Variants in ENPP3 observed in about 807,000 individuals in gnomAD.
ENPP3 encodes the protein ectonucleotide pyrophosphatase/phosphodiesterase family member 3.
ENPP3 carries 104 observed loss-of-function variants against 117.8 expected under a neutral mutation model. That is an observed-to-expected ratio of 0.88 (90% CI 0.75 to 1.04). The LOEUF (loss-of-function observed/expected upper bound fraction) is 1.04. ENPP3 is among the 50% of genes least tolerant of loss of function. ENPP3 has a pLI of 0.00. For synonymous variants in ENPP3, 380 were observed against 349.9 expected (o/e 1.09, Z -0.96); for missense variants, 1,026 against 1,051.9 (o/e 0.98, Z 0.34).
intron 6 of ENPP3, among the ~76,000 whole-genome samples, chr6:131,663,097 AGTATCATGTCTT>A (rs1184222369): frequency 1.3e-5 from 2 of 151,120 alleles, no homozygotes; most frequent in African/African-American, 4.9e-5. Flanking sequence ...TTCAGTAGAT[AGTATCATGTCTT>A]CTGAAAATAG....
intron 11 of ENPP3, among the ~76,000 whole-genome samples, chr6:131,679,320 C>T (rs1375207926): frequency 6.6e-6 from 1 of 151,870 alleles, no homozygotes; most frequent in African/African-American, 2.4e-5. Flanking sequence ...GTCTTGAACT[C>T]CTGACCTCAG....
rs572855698 is a variant in ENPP3 at position 131,685,301 on chromosome 6, C to G, written c.1121-63C>G. On this transcript the variant is annotated intron_variant, in intron 12 of 24. Coordinates refer to ENST00000357639, the MANE Select transcript of ENPP3 (RefSeq NM_005021.5). ...ATAAAATGTCTTCTATTTGACAAGA[C>G]AGAAATCAACCGTTGCCATTTATAT... is the stretch of plus-strand genomic sequence containing the variant. 1.4e-5 allele frequency: 19 copies of G among 1,388,732 alleles called. No individual in the cohort carries two copies. In the East Asian group the frequency reaches 3.2e-4, roughly 24 times the overall value. The allele number at this position is 1,388,732 out of a possible 1,614,324, so 86.0% of individuals were successfully genotyped here.
intron 17 of ENPP3, 61 bp from the exon 18 acceptor site, chr6:131,722,166 C>A: frequency 1.6e-6 from 2 of 1,222,126 alleles, no homozygotes; most frequent in Non-Finnish European, 2.4e-6. Flanking sequence ...TCCCATCTCC[C>A]ACAGAGGAGT....
intron 15 of ENPP3, chr6:131,701,397 C>T (rs1779527372): frequency 1.2e-6 from 2 of 1,613,800 alleles, no homozygotes; most frequent in African/African-American, 1.3e-5. Context: ...TATATTGTCT[C>T]CCATATCCCT....
At chr6:131,738,632 T>C (rs1780455339) in intron 23 of ENPP3, among the ~76,000 whole-genome samples, 1 of 150,364 alleles carries the variant, frequency 6.7e-6, no homozygotes, top group African/African-American at 2.4e-5. Context: ...ACAATGTAGG[T>C]AAATTTCATG....
intron 15 of ENPP3, among the ~76,000 whole-genome samples, chr6:131,694,060 C>T (rs1253623393): frequency 6.6e-6 from 1 of 152,160 alleles, no homozygotes; most frequent in Non-Finnish European, 1.5e-5. Context: ...TTAGTTGTAA[C>T]ATTTATTTCT....
intron 23 of ENPP3, among the ~76,000 whole-genome samples, chr6:131,738,729 A>G (rs1466075561): frequency 6.6e-6 from 1 of 152,178 alleles, no homozygotes; most frequent in Admixed American, 6.5e-5. Flanking sequence ...AATGCAGAGC[A>G]CAGTAATAGA....
At chr6:131,707,085 T>C (rs1334717757) in intron 15 of ENPP3, among the ~76,000 whole-genome samples, 44 of 150,094 alleles carry the variant, frequency 2.9e-4, no homozygotes, top group Non-Finnish European at 5.3e-4. Flanking sequence ...TTATTGGTAG[T>C]TTTAAAATTA....
intron 6 of ENPP3, among the ~76,000 whole-genome samples, chr6:131,668,118 A>T (rs536664646): frequency 1.3e-5 from 2 of 151,412 alleles, no homozygotes; most frequent in South Asian, 4.2e-4. Context: ...TTGTACAGAT[A>T]TCTTAATAAT....
chr6:131,700,631 C>T, intron 15 of ENPP3: 9 of 1,556,660 alleles, frequency 5.8e-6, no homozygotes, highest in Non-Finnish European at 7.7e-6. Flanking sequence ...GTCCAACATA[C>T]ATGATAATGG....
chr6:131,668,403 C>T lies in ENPP3; in HGVS notation c.563-2845C>T, dbSNP rs572747967. On this transcript the variant is annotated intron_variant, in intron 6 of 24. Coordinates refer to ENST00000357639, the MANE Select transcript of ENPP3 (RefSeq NM_005021.5). ...CTAATTTTTGTATTTTTATTAGAGC[C>T]AGGGTTTCACCATGTTGGCCAGGCT... Among the ~76,000 whole-genome samples the T allele has an allele frequency of 2.5e-3, 373 of 151,854 alleles. 2 individuals are homozygous for T. The highest frequency in any genetic ancestry group is 8.8e-3 in the African/African-American group (365 of 41,392).
chr6:131,728,212 C>T (rs192569270), intron 20 of ENPP3, among the ~76,000 whole-genome samples: 6 of 152,178 alleles, frequency 3.9e-5, no homozygotes, highest in East Asian at 1.9e-4. Flanking sequence ...TTATTGTTTT[C>T]GAGAGGAGTG....
intron 6 of ENPP3, among the ~76,000 whole-genome samples, chr6:131,668,206 GTTTTTT>G (rs557047103): frequency 4.3e-5 from 3 of 69,946 alleles, no homozygotes; most frequent in African/African-American, 1.2e-4. Flanking sequence ...CTCGCTCTGC[GTTTTTT>G]TTTTTTTTTT....
chr6:131,731,069 C>T (rs954456798), intron 20 of ENPP3, among the ~76,000 whole-genome samples: 2 of 152,086 alleles, frequency 1.3e-5, no homozygotes, highest in African/African-American at 4.8e-5. Context: ...TTTTGGCTGT[C>T]GTATTTTGAA....
At chr6:131,722,883 C>G (rs1216274352) in intron 18 of ENPP3, among the ~76,000 whole-genome samples, 2 of 152,256 alleles carry the variant, frequency 1.3e-5, no homozygotes, top group Middle Eastern at 3.4e-3. Context: ...ACAGTTGACA[C>G]TGGGAAGGTC....
intron 6 of ENPP3, among the ~76,000 whole-genome samples, chr6:131,660,282 G>T (rs1291947818): frequency 2.0e-5 from 3 of 152,132 alleles, no homozygotes; most frequent in Non-Finnish European, 4.4e-5. Flanking sequence ...GGAGCCCAGG[G>T]CCCCATCTCT....
intron 18 of ENPP3, among the ~76,000 whole-genome samples, chr6:131,722,661 T>C (rs1562473928): frequency 6.6e-6 from 1 of 152,220 alleles, no homozygotes; most frequent in Non-Finnish European, 1.5e-5. Context: ...ATAAACTAAC[T>C]GTCCTTCACC....
At chr6:131,696,403 G>A (rs77916619) in intron 15 of ENPP3, among the ~76,000 whole-genome samples, 3,144 of 152,302 alleles carry the variant, frequency 0.021, 105 homozygotes, top group African/African-American at 0.073. Flanking sequence ...AAAAATTACA[G>A]ACCCAGGTGT....
rs79760941 is a variant in ENPP3, at chr6:131,738,835, A to T, written c.2300+672A>T. On this transcript the variant is annotated intron_variant, in intron 23 of 24. Transcript: ENST00000357639. ...TACTGTCTAAGCCTAGATTATGTAA[A>T]GCAATGATTTCTACCTATACCTTCT... Among the ~76,000 whole-genome samples, 111 of 152,320 alleles carry T rather than the reference A, an allele frequency of 7.3e-4. 3 individuals are homozygous for T. The highest frequency in any genetic ancestry group is 9.1e-4 in the Non-Finnish European group (62 of 68,016).
Sources: gnomAD v4.1 joint callset for allele counts (sites outside exome capture counted in the v4.1 genomes callset) on GRCh38, gnomAD v4.1.1 for gene constraint, MANE v1.5 for transcripts, NCBI Gene and HGNC (gene_info 2026-07-23, HGNC 2026-07-21) for gene names.